TRIP12: variants seen among roughly 807,000 people sequenced by gnomAD.
TRIP12 encodes the protein thyroid hormone receptor interactor 12.
TRIP12 carries 25 observed loss-of-function variants against 244.2 expected under a neutral mutation model. The observed-to-expected ratio is 0.10, with a 90% CI of 0.07 to 0.14. The LOEUF (loss-of-function observed/expected upper bound fraction) is 0.14, where lower values mean the gene tolerates loss of function less well. Among genes scored for constraint, TRIP12 ranks in the 10% least tolerant of loss-of-function variants. The probability of loss-of-function intolerance (pLI) is 1.00; values close to 1 mark genes in which losing one functional copy is unlikely to be tolerated. For missense variants in TRIP12, 1,677 were observed against 2,486.4 expected (o/e 0.67, Z 6.92); for synonymous variants, 905 against 873.1 (o/e 1.04, Z -0.64).
chr2:229,791,906 G>C lies in TRIP12; in HGVS notation c.4375C>G (p.Leu1459Val), dbSNP rs1474688656. 1 of 1,614,110 alleles carries C rather than the reference G, an allele frequency of 6.2e-7. No individual in the cohort carries two copies. Among genetic ancestry groups the C allele is most frequent in the South Asian group, 1.1e-5 (1 of 91,084 alleles). The change falls in exon 29 of 42, where the codon CTA (leucine) becomes GTA (valine). Residue 1459 changes from leucine to valine, a missense_variant. By Grantham distance (32) the Leu-to-Val change is conservative (BLOSUM62 1). This residue lies in a region of TRIP12 where 265 missense variants were observed against 370.8 expected (regional missense o/e 0.71). Coordinates refer to ENST00000675903, the MANE Select transcript of TRIP12 (RefSeq NM_001348323.3). ...RESTDDESNPLGRAGIWTKTH... is the reference protein window; with the variant it reads ...RESTDDESNPVGRAGIWTKTH... ...TTTGTCCAAATACCAGCTCTGCCTA[G>C]AGGATTGCTCTCATCATCTGTGGAT...
chr2:229,840,304 G>A (rs971918169), intron 5 of TRIP12, among the ~76,000 whole-genome samples: 12 of 152,086 alleles, frequency 7.9e-5, no homozygotes, highest in African/African-American at 2.9e-4. Flanking sequence ...AGAATGATTA[G>A]AACTTAGTAG....
At chr2:229,869,508 T>C (rs1207865294) in intron 2 of TRIP12, among the ~76,000 whole-genome samples, 3 of 152,176 alleles carry the variant, frequency 2.0e-5, no homozygotes, top group East Asian at 1.9e-4. Context: ...TCTCTAGAAA[T>C]GTTTCTCATC....
At chr2:229,922,614 GTGCGAGCCGCGGTTTA>G, upstream of TRIP12, 1 of 1,613,918 alleles carries the variant, frequency 6.2e-7, no homozygotes, top group Non-Finnish European at 8.5e-7. Flanking sequence ...TCTCAGGCAA[GTGCGAGCCGCGGTTTA>G]CCCTCTCTCC....
chr2:229,783,697 G>T (rs2039047775), intron 34 of TRIP12, among the ~76,000 whole-genome samples: 1 of 151,150 alleles, frequency 6.6e-6, no homozygotes, highest in African/African-American at 2.4e-5. Flanking sequence ...TCTCCAAACT[G>T]ATCTAAATTG....
intron 1 of TRIP12, 41 bp downstream of exon 1, chr2:229,921,839 C>G (rs2076651967): frequency 7.3e-6 from 1 of 137,662 alleles, no homozygotes; most frequent in South Asian, 2.7e-4. Flanking sequence ...GCCCCCTCCC[C>G]CAAGGCTTGC....
chr2:229,826,359 A>G (rs1027918400), intron 8 of TRIP12, among the ~76,000 whole-genome samples: 3 of 152,206 alleles, frequency 2.0e-5, no homozygotes, highest in Admixed American at 2.0e-4. Flanking sequence ...ACTCAATCTG[A>G]AGAGGTCTCT....
At position 229,869,896 on chromosome 2, in the gene TRIP12, T is replaced by G. The variant is rs1444467108; in HGVS notation, c.99-9365A>C. On this transcript the variant is annotated intron_variant, in intron 2 of 41. Transcript: ENST00000675903. ...CTCTTTGCTCTTCTCTGCCTGTCCATCTTCCTCCATAAGGCACATACACAG... is the reference window on the plus strand; with the variant it reads ...CTCTTTGCTCTTCTCTGCCTGTCCAGCTTCCTCCATAAGGCACATACACAG... Among the ~76,000 whole-genome samples the G allele has an allele frequency of 3.3e-5, 5 of 152,348 alleles. No homozygotes were observed. The South Asian group carries it at 1.0e-3, about 32-fold the overall frequency.
intron 1 of TRIP12, among the ~76,000 whole-genome samples, chr2:229,888,000 C>A (rs1576677512): frequency 1.3e-5 from 2 of 152,136 alleles, no homozygotes; most frequent in Non-Finnish European, 2.9e-5. Context: ...TATTAAATTG[C>A]CTATAAATAC....
chr2:229,844,245 C>G (rs549408487), intron 4 of TRIP12, among the ~76,000 whole-genome samples: 1 of 152,270 alleles, frequency 6.6e-6, no homozygotes, highest in South Asian at 2.1e-4. Flanking sequence ...TTAAAATGTA[C>G]TTCTCATTAC....
chr2:229,819,731 C>A (rs977900432), intron 8 of TRIP12, among the ~76,000 whole-genome samples: 2 of 152,136 alleles, frequency 1.3e-5, no homozygotes, highest in African/African-American at 2.4e-5. Context: ...CTTTTCCAGT[C>A]CTATATCATT....
In TRIP12 at chr2:229,778,811, A is replaced by C. The variant is rs2154246030; in HGVS notation, c.5209+65T>G. 2 of 1,453,178 alleles carry C rather than the reference A, an allele frequency of 1.4e-6. No homozygotes were observed. The highest frequency in any genetic ancestry group is 2.3e-5 in the East Asian group (1 of 44,054). 90.0% of individuals were successfully genotyped at this position (1,453,178 alleles called of 1,614,324 possible). Reference sequence around the variant, plus strand: ...CCATTAGAAATTAAATATGTCTAATAAACTGTCAGAGTCCATTACCTGATC... The same window carrying C: ...CCATTAGAAATTAAATATGTCTAATCAACTGTCAGAGTCCATTACCTGATC... On this transcript the variant is annotated intron_variant, in intron 35 of 41. Coordinates refer to ENST00000675903, the MANE Select transcript of TRIP12 (RefSeq NM_001348323.3). This position sits in a 1 kb window ranked among gnomAD's most constrained non-coding sequence, Gnocchi z 4.1.
At chr2:229,780,545 C>A (rs1364973547) in intron 34 of TRIP12, among the ~76,000 whole-genome samples, 1 of 152,136 alleles carries the variant, frequency 6.6e-6, no homozygotes, top group Admixed American at 6.6e-5. Context: ...CCTACATGAC[C>A]CCTCTGCCCA....
At chr2:229,831,048 G>T (rs903434186) in intron 6 of TRIP12, 1 of 696,306 alleles carries the variant, frequency 1.4e-6, no homozygotes, top group Non-Finnish European at 2.6e-6. Context: ...TATTAAAAAG[G>T]TTGTATTTTT....
intron 2 of TRIP12, among the ~76,000 whole-genome samples, chr2:229,873,225 C>T (rs1209216715): frequency 6.6e-6 from 1 of 152,140 alleles, no homozygotes; most frequent in Non-Finnish European, 1.5e-5. Context: ...ACTCTTTCCC[C>T]TGATGGTGAT....
rs749490838 is a variant in TRIP12 at position 229,796,826 on chromosome 2, A to T, written c.3625-44T>A. ...GTATTTCTATATTGATTTAAGCAGC[A>T]CTTAAAAAATACACAACTCACATAT... On this transcript the variant is annotated intron_variant, in intron 24 of 41. Coordinates refer to ENST00000675903, the MANE Select transcript of TRIP12 (RefSeq NM_001348323.3). 10 of 1,490,806 alleles carry T rather than the reference A, an allele frequency of 6.7e-6. No individual in the cohort carries two copies. In the African/African-American group the frequency reaches 1.4e-4, roughly 21 times the overall value. The allele number at this position is 1,490,806 out of a possible 1,614,324, so 92.3% of individuals were successfully genotyped here.
intron 2 of TRIP12, among the ~76,000 whole-genome samples, chr2:229,878,386 G>A (rs1240819903): frequency 6.6e-6 from 1 of 150,852 alleles, no homozygotes; most frequent in Non-Finnish European, 1.5e-5. Flanking sequence ...GGAGGTGGAG[G>A]TTGCAGTGAG....
At chr2:229,780,650 G>T (rs2037825677) in intron 34 of TRIP12, among the ~76,000 whole-genome samples, 1 of 152,136 alleles carries the variant, frequency 6.6e-6, no homozygotes, top group African/African-American at 2.4e-5. Context: ...CTGCTTCTCT[G>T]TTCTTGTGCT....
chr2:229,765,834 A>G lies in TRIP12; in HGVS notation c.*1720T>C, dbSNP rs2154219831. ...ATTCCCTTCTTGGATTTCAGGGAAA[A>G]GCCATTCACTTGTCAGTCTCTGCAG... On this transcript the variant is annotated 3_prime_UTR_variant, in exon 42 of 42. Transcript: ENST00000675903. The G allele has an allele frequency of 6.6e-6, 1 of 152,324 alleles. No individual in the cohort carries two copies. Among genetic ancestry groups the G allele is most frequent in the Non-Finnish European group, 1.5e-5 (1 of 68,024 alleles). The allele number at this position is 152,324 out of a possible 1,614,324, so 9.4% of individuals were successfully genotyped here. A position where few individuals can be genotyped will look rare whatever the true frequency, so the allele number is the denominator to read the frequency against.
At chr2:229,880,384 T>C (rs1245622736) in intron 1 of TRIP12, among the ~76,000 whole-genome samples, 1 of 152,182 alleles carries the variant, frequency 6.6e-6, no homozygotes, top group Non-Finnish European at 1.5e-5. Flanking sequence ...TTTCACGGAA[T>C]AGCCAGAAAA....
Sources: gnomAD v4.1 joint callset for allele counts (sites outside exome capture counted in the v4.1 genomes callset) on GRCh38, gnomAD v4.1.1 for gene constraint, gnomAD v4.1.1 regional missense constraint, Gnocchi (gnomAD v3.1) non-coding constraint, MANE v1.5 for transcripts, NCBI Gene and HGNC (gene_info 2026-07-23, HGNC 2026-07-21) for gene names.